Variants in ZNF385D observed in about 807,000 individuals in gnomAD.
The protein encoded by ZNF385D is zinc finger protein 659.
ZNF385D carries 15 observed loss-of-function variants against 35.8 expected under a neutral mutation model. The ratio of observed to expected loss-of-function variants is 0.42; its 90% CI spans 0.28 to 0.64. ZNF385D has a LOEUF of 0.64. Among genes scored for constraint, ZNF385D ranks in the 30% least tolerant of loss-of-function variants. The pLI is 0.23. For missense variants in ZNF385D, 474 were observed against 494.6 expected (o/e 0.96, Z 0.39); for synonymous variants, 212 against 186.8 (o/e 1.13, Z -1.10).
chr3:21,654,328 C>T (rs1388201916), intron 2 of ZNF385D, among the ~76,000 whole-genome samples: 4 of 152,074 alleles, frequency 2.6e-5, no homozygotes, highest in African/African-American at 9.6e-5. Flanking sequence ...GGTTATACTT[C>T]GAAGAAAGGC....
At chr3:21,601,458 T>C (rs181980767) in intron 2 of ZNF385D, among the ~76,000 whole-genome samples, 13 of 152,340 alleles carry the variant, frequency 8.5e-5, no homozygotes, top group Admixed American at 7.8e-4. Flanking sequence ...GATTGTAGGC[T>C]GCTGTCCCAA....
chr3:22,261,056 A>T (rs1700601548), intron 2 of ZNF385D, among the ~76,000 whole-genome samples: 1 of 151,926 alleles, frequency 6.6e-6, no homozygotes, highest in Admixed American at 6.6e-5. Context: ...AATGAACTGA[A>T]ATTAATTTAA....
At chr3:22,119,548 T>C (rs1702978661) in intron 3 of ZNF385D, among the ~76,000 whole-genome samples, 1 of 152,140 alleles carries the variant, frequency 6.6e-6, no homozygotes, top group Admixed American at 6.6e-5. Flanking sequence ...AATGGCCTTC[T>C]CCTCTAGCTT....
chr3:21,980,178 C>A (rs1251566278), intron 3 of ZNF385D, among the ~76,000 whole-genome samples: 1 of 152,146 alleles, frequency 6.6e-6, no homozygotes, highest in Non-Finnish European at 1.5e-5. Context: ...CAACAACCAA[C>A]AGTAACTTTC....
At chr3:22,308,749 C>A (rs772304601) in intron 2 of ZNF385D, among the ~76,000 whole-genome samples, 2 of 152,034 alleles carry the variant, frequency 1.3e-5, no homozygotes, top group Non-Finnish European at 2.9e-5. Context: ...GGCCATATTG[C>A]AGAATTAAAG....
intron 2 of ZNF385D, among the ~76,000 whole-genome samples, chr3:21,585,908 T>A (rs2063795285): frequency 6.6e-6 from 1 of 152,182 alleles, no homozygotes; most frequent in Admixed American, 6.5e-5. Flanking sequence ...GTAGCTCATG[T>A]CTGTAGTCCT....
intron 2 of ZNF385D, among the ~76,000 whole-genome samples, chr3:22,246,432 G>A (rs1389487118): frequency 3.3e-5 from 5 of 151,880 alleles, no homozygotes; most frequent in African/African-American, 4.8e-5. Context: ...ATTTGTAGAC[G>A]GCCCTCAAAA....
chr3:22,111,152 A>ATTTTTTTTTTT lies in ZNF385D; in HGVS notation c.325+57654_325+57664dup, dbSNP rs61708178. ...GTAACATATTGAGGCTCCATGTTGG[A>ATTTTTTTTTTT]TTTTTTTTTTTTTTTTTTTTTTTTG... On this transcript the variant is annotated intron_variant, in intron 3 of 5. Transcript: ENST00000494108. Among the ~76,000 whole-genome samples, 17 of 68,970 alleles carry ATTTTTTTTTTT rather than the reference A, an allele frequency of 2.5e-4. 1 individual carries two copies. The highest frequency in any genetic ancestry group is 1.1e-3 in the East Asian group (3 of 2,700). The allele number at this position is 68,970 out of a possible 152,430, so 45.2% of individuals were successfully genotyped here.
intron 3 of ZNF385D, among the ~76,000 whole-genome samples, chr3:21,560,983 G>C (rs2062923489): frequency 6.6e-6 from 1 of 152,098 alleles, no homozygotes; most frequent in South Asian, 2.1e-4. Context: ...AGCAATGGTG[G>C]ACACCCCTCC....
intron 3 of ZNF385D, among the ~76,000 whole-genome samples, chr3:22,100,549 T>C (rs542174857): frequency 4.4e-4 from 67 of 151,850 alleles, no homozygotes; most frequent in South Asian, 1.5e-3. Context: ...ATGGATGAAA[T>C]TGGAAATCAT....
At chr3:21,493,527 A>G (rs1705587847) in intron 4 of ZNF385D, among the ~76,000 whole-genome samples, 1 of 152,142 alleles carries the variant, frequency 6.6e-6, no homozygotes, top group South Asian at 2.1e-4. Context: ...GGACTACACT[A>G]ACTTATTTTT....
intron 3 of ZNF385D, among the ~76,000 whole-genome samples, chr3:21,833,317 TG>T (rs1361164611): frequency 6.6e-6 from 1 of 152,180 alleles, no homozygotes; most frequent in Non-Finnish European, 1.5e-5. Flanking sequence ...AATATTACCT[TG>T]TATGGCAAAA....
intron 3 of ZNF385D, among the ~76,000 whole-genome samples, chr3:21,516,863 G>A (rs1361803451): frequency 6.6e-6 from 1 of 151,986 alleles, no homozygotes; most frequent in Non-Finnish European, 1.5e-5. Context: ...ATATTAAAAT[G>A]TAACACCAGA....
At chr3:21,751,383 C>T, upstream of ZNF385D, 2 of 1,015,062 alleles carry the variant, frequency 2.0e-6, no homozygotes, top group South Asian at 4.0e-5. Flanking sequence ...TCTCTTAAAG[C>T]GAGAAGAGTG....
At chr3:22,242,871 AG>A (rs922712427) in intron 2 of ZNF385D, among the ~76,000 whole-genome samples, 1 of 148,228 alleles carries the variant, frequency 6.7e-6, no homozygotes, top group Admixed American at 6.8e-5. Context: ...GATTTATAGA[AG>A]AGGGGTATAC....
At chr3:22,306,886 G>T (rs1494221) in intron 2 of ZNF385D, among the ~76,000 whole-genome samples, 97,089 of 151,994 alleles carry the variant, frequency 0.64, 31,429 homozygotes, top group African/African-American at 0.73. Flanking sequence ...ACTCAAGACA[G>T]CTGCGCTTTG....
chr3:21,419,578 C>A lies in ZNF385D; in HGVS notation c.*1636G>T, dbSNP rs1316668547. 1 of 152,016 alleles carries A rather than the reference C, an allele frequency of 6.6e-6. No homozygotes were observed. The highest frequency in any genetic ancestry group is 2.1e-4 in the South Asian group (1 of 4,832). The allele number at this position is 152,016 out of a possible 1,614,324, so 9.4% of individuals were successfully genotyped here. On this transcript the variant is annotated 3_prime_UTR_variant, in exon 8 of 8. Coordinates refer to ENST00000281523, the MANE Select transcript of ZNF385D (RefSeq NM_024697.3). Reference sequence around the variant, plus strand: ...TTCAAAAATAGTTTTTTCTCTAAACCTAAATCATGTATGTTTTGTCATTAT... The same window carrying A: ...TTCAAAAATAGTTTTTTCTCTAAACATAAATCATGTATGTTTTGTCATTAT...
At chr3:21,543,115 C>T (rs2062236441) in intron 3 of ZNF385D, 1 of 152,208 alleles carries the variant, frequency 6.6e-6, no homozygotes, top group Non-Finnish European at 1.5e-5. Context: ...GAGTTTGAGA[C>T]CAGCCTGGCC....
chr3:22,102,130 C>T (rs1701971999), intron 3 of ZNF385D, among the ~76,000 whole-genome samples: 1 of 151,804 alleles, frequency 6.6e-6, no homozygotes, highest in Admixed American at 6.6e-5. Context: ...CTTGGATTGA[C>T]AATGAAGACA....
Sources: gnomAD v4.1 joint callset for allele counts (sites outside exome capture counted in the v4.1 genomes callset) on GRCh38, gnomAD v4.1.1 for gene constraint, MANE v1.5 for transcripts, NCBI Gene and HGNC (gene_info 2026-07-23, HGNC 2026-07-21) for gene names.